DOCK3: variants seen among roughly 807,000 people sequenced by gnomAD.
DOCK3 encodes the protein dedicator of cytokinesis protein 3.
A neutral mutation model predicts 265.6 loss-of-function variants in DOCK3; 60 were observed. The observed-to-expected ratio is 0.23, with a 90% CI of 0.18 to 0.28. DOCK3 has a LOEUF of 0.28. Among genes scored for constraint, DOCK3 ranks in the 10% least tolerant of loss-of-function variants. DOCK3 has a pLI of 1.00. For missense variants in DOCK3, 1,981 were observed against 2,594.3 expected, an observed-to-expected ratio of 0.76 and a Z score of 5.14; for synonymous variants, 881 against 938.0, an observed-to-expected ratio of 0.94 and a Z score of 1.11.
At chr3:51,349,327 A>AC (rs2085812793) in intron 39 of DOCK3, among the ~76,000 whole-genome samples, 1 of 152,220 alleles carries the variant, frequency 6.6e-6, no homozygotes, top group East Asian at 1.9e-4. Flanking sequence ...AGCATGTTGT[A>AC]CTTGCTGCCT....
intron 4 of DOCK3, among the ~76,000 whole-genome samples, chr3:50,931,319 A>G (rs1336157937): frequency 6.6e-6 from 1 of 152,208 alleles, no homozygotes; most frequent in Non-Finnish European, 1.5e-5. Context: ...AGCAGTTTAC[A>G]GTGAACCTCC....
chr3:50,768,590 G>C (rs1320208250), intron 1 of DOCK3, among the ~76,000 whole-genome samples: 1 of 152,166 alleles, frequency 6.6e-6, no homozygotes, highest in African/African-American at 2.4e-5. Context: ...TATCTCAATA[G>C]ATGCAGAAAA....
chr3:50,792,374 T>G (rs2042524961), intron 2 of DOCK3, among the ~76,000 whole-genome samples: 3 of 152,184 alleles, frequency 2.0e-5, no homozygotes, highest in Admixed American at 2.0e-4. Flanking sequence ...TGTGGGGTTT[T>G]GTAGGTATAG....
In DOCK3 at chr3:50,723,442, G is replaced by A. The variant is rs546518879; in HGVS notation, c.37+48142G>A. ...TCCCAGCACTTTGGGAGGCTGAGGC[G>A]GGGGGATCACTTGAGGTCAGGAGTT... On this transcript the variant is annotated intron_variant, in intron 1 of 52. Coordinates refer to ENST00000266037, the MANE Select transcript of DOCK3 (RefSeq NM_004947.5). Among the ~76,000 whole-genome samples, 199 of 152,142 alleles carry A rather than the reference G, an allele frequency of 1.3e-3. 1 individual carries two copies. Among genetic ancestry groups the A allele is most frequent in the Admixed American group, 3.5e-3 (54 of 15,284 alleles).
At chr3:51,012,262 G>A (rs1050904044) in intron 5 of DOCK3, among the ~76,000 whole-genome samples, 13 of 152,204 alleles carry the variant, frequency 8.5e-5, no homozygotes, top group South Asian at 8.3e-4. Context: ...GTCTACAGAG[G>A]CAGGCAGGCC....
intron 32 of DOCK3, among the ~76,000 whole-genome samples, chr3:51,316,136 T>A (rs1229391309): frequency 6.6e-6 from 1 of 152,260 alleles, no homozygotes; most frequent in Admixed American, 6.5e-5. Context: ...TCTTGCTGTC[T>A]ATTTGTAGTC....
At chr3:51,193,371 A>G (rs909410562) in intron 12 of DOCK3, among the ~76,000 whole-genome samples, 31 of 151,984 alleles carry the variant, frequency 2.0e-4, no homozygotes. Context: ...ATTGACATAT[A>G]GTTTTCGTTG....
chr3:50,769,703 T>C (rs2041155043), intron 1 of DOCK3, among the ~76,000 whole-genome samples: 1 of 151,178 alleles, frequency 6.6e-6, no homozygotes, highest in Non-Finnish European at 1.5e-5. Flanking sequence ...TCCCAGCTAC[T>C]TGGGAGGCTG....
intron 49 of DOCK3, among the ~76,000 whole-genome samples, chr3:51,372,536 C>G (rs1045106694): frequency 6.6e-6 from 1 of 152,214 alleles, no homozygotes; most frequent in Non-Finnish European, 1.5e-5. Context: ...TCACACGGAT[C>G]AGGATATTGA....
At chr3:50,860,768 G>T (rs1188111536) in intron 3 of DOCK3, among the ~76,000 whole-genome samples, 1 of 152,202 alleles carries the variant, frequency 6.6e-6, no homozygotes, top group Non-Finnish European at 1.5e-5. Context: ...TCTTAGGGAG[G>T]TTTAGTGCCA....
rs2034487566 is a variant in DOCK3, at chr3:50,682,565, G to T, written c.37+7265G>T. On this transcript the variant is annotated intron_variant, in intron 1 of 52. Transcript: ENST00000266037. ...CCTGTTATACTTTGTATTTTGTAGT[G>T]GTATATTTACTTTATCCTCTTCATT... is the stretch of plus-strand genomic sequence containing the variant. 2.0e-5 allele frequency among the ~76,000 whole-genome samples: 3 copies of T among 152,032 alleles called. No homozygotes were observed. In the South Asian group the frequency reaches 6.2e-4, roughly 31 times the overall value.
At chr3:50,980,489 A>G (rs972666592) in intron 5 of DOCK3, among the ~76,000 whole-genome samples, 1 of 152,114 alleles carries the variant, frequency 6.6e-6, no homozygotes, top group African/African-American at 2.4e-5. Context: ...AGTTGGGAAG[A>G]ATTTTCCCTG....
chr3:51,274,446 T>C (rs1378937759), intron 24 of DOCK3, among the ~76,000 whole-genome samples: 1 of 152,162 alleles, frequency 6.6e-6, no homozygotes, highest in Non-Finnish European at 1.5e-5. Flanking sequence ...ATTTTCACTG[T>C]AAACTGTGCT....
At chr3:51,021,568 C>T (rs2079592477) in intron 5 of DOCK3, among the ~76,000 whole-genome samples, 1 of 151,904 alleles carries the variant, frequency 6.6e-6, no homozygotes, top group Admixed American at 6.6e-5. Flanking sequence ...TTAAAATGAG[C>T]ATTTCAGCCC....
intron 22 of DOCK3, among the ~76,000 whole-genome samples, chr3:51,253,147 T>G (rs1039273977): frequency 2.6e-5 from 4 of 152,258 alleles, no homozygotes; most frequent in Non-Finnish European, 5.9e-5. Flanking sequence ...TTTGGTTCTG[T>G]TTATATAATG....
intron 3 of DOCK3, among the ~76,000 whole-genome samples, chr3:50,860,045 G>C (rs889771613): frequency 1.3e-5 from 2 of 152,144 alleles, no homozygotes; most frequent in Admixed American, 1.3e-4. Context: ...TGACTCTTGG[G>C]GACCCCAACC....
chr3:51,177,121 T>C (rs1284671398), intron 12 of DOCK3, among the ~76,000 whole-genome samples: 1 of 152,238 alleles, frequency 6.6e-6, no homozygotes. Context: ...GAGGAGGATA[T>C]GGTCACACCC....
chr3:51,261,729 A>G (rs1320313252), intron 23 of DOCK3, among the ~76,000 whole-genome samples: 17 of 152,162 alleles, frequency 1.1e-4, no homozygotes, highest in Non-Finnish European at 7.4e-5. Flanking sequence ...TGGTCAGGGG[A>G]GGAGCATCCA....
intron 5 of DOCK3, among the ~76,000 whole-genome samples, chr3:51,033,008 G>A (rs1226204890): frequency 2.6e-5 from 4 of 152,140 alleles, no homozygotes; most frequent in African/African-American, 9.7e-5. Context: ...TGAGAACTGA[G>A]GGTCTTGGAA....
Sources: gnomAD v4.1 joint callset for allele counts (sites outside exome capture counted in the v4.1 genomes callset) on GRCh38, gnomAD v4.1.1 for gene constraint, MANE v1.5 for transcripts, NCBI Gene and HGNC (gene_info 2026-07-23, HGNC 2026-07-21) for gene names.